Variants in LCE3A observed in about 807,000 individuals in gnomAD.
LCE3A encodes the protein late cornified envelope 3A.
For synonymous variants in LCE3A, 46 were observed against 42.7 expected (o/e 1.08, Z -0.30); for missense variants, 130 against 113.9 (o/e 1.14, Z -0.64).
At position 152,622,900 on chromosome 1, in the gene LCE3A, A is replaced by C; in HGVS notation, c.204T>G (p.Cys68Trp). 1 of 1,614,164 alleles carries C rather than the reference A, an allele frequency of 6.2e-7. No homozygotes were observed. The highest frequency in any genetic ancestry group is 8.5e-7 in the Non-Finnish European group (1 of 1,180,026). The change falls in exon 1 of 1, where the codon TGT becomes TGG. Residue 68 changes from cysteine (C) to tryptophan (W), a missense_variant. Cys to Trp is a radical substitution (Grantham distance 215). Coordinates refer to ENST00000335674, the MANE Select transcript of LCE3A (RefSeq NM_178431.1). ...CGCCTTGCTGACCACTTCCCCTGTC[A>C]CAGGAGTTGGAGCTCTGGCAACGGC... ...HRCRCQSSNSCDRGSGQQGGS... is the reference protein window; with the variant it reads ...HRCRCQSSNSWDRGSGQQGGS...
In LCE3A at chr1:152,622,891, T is replaced by G; in HGVS notation, c.213A>C (p.Gly71=). 1 of 1,614,160 alleles carries G rather than the reference T, an allele frequency of 6.2e-7. No homozygotes were observed. The highest frequency in any genetic ancestry group is 8.5e-7 in the Non-Finnish European group (1 of 1,180,028). ...TGGAGCTCCCGCCTTGCTGACCACT[T>G]CCCCTGTCACAGGAGTTGGAGCTCT... The part of the protein sequence containing the change: ...RCQSSNSCDR[G]SGQQGGSSSC... Residue 71 remains glycine (G), a synonymous_variant, in exon 1 of 1, where the codon GGA becomes GGC. Transcript: ENST00000335674.
rs1647277831 is a variant in LCE3A at position 152,622,983 on chromosome 1, G to A, written c.121C>T (p.Pro41Ser). 6.2e-7 allele frequency: 1 copy of A among 1,614,130 alleles called. No individual in the cohort carries two copies. The highest frequency in any genetic ancestry group is 1.7e-5 in the Admixed American group (1 of 60,022). The change falls in exon 1 of 1, where the codon CCC becomes TCC. Residue 41 changes from proline to serine, a missense_variant. Physicochemically the swap from Pro to Ser is moderately conservative, Grantham distance 74. Transcript: ENST00000335674. ...SCAPSSGGCG[P>S]SSERSCCLSH... ...AGGCAGCAGCTGCGCTCGGAGCTGG[G>A]CCCACAGCCCCCAGAGCTTGGGGCA... is the stretch of plus-strand genomic sequence containing the variant.
At position 152,622,852 on chromosome 1, in the gene LCE3A, A is replaced by G; in HGVS notation, c.252T>C (p.Ser84=). Residue 84 remains serine (S), a synonymous_variant, in exon 1 of 1, where the codon AGT becomes AGC. Transcript: ENST00000335674. Reference sequence around the variant, plus strand: ...GCTCAGGTCAGCAGCAGCCCGCAGAACTGTGGCCACAGCTGGAGCTCCCGC... The same window carrying G: ...GCTCAGGTCAGCAGCAGCCCGCAGAGCTGTGGCCACAGCTGGAGCTCCCGC... ...QQGGSSSCGH[S]SAGCC is the part of the protein sequence containing the mutation. 1.2e-6 allele frequency: 2 copies of G among 1,614,090 alleles called. No homozygotes were observed. The highest frequency in any genetic ancestry group is 2.2e-5 in the East Asian group (1 of 44,872).
In LCE3A at chr1:152,622,883, T is replaced by A; in HGVS notation, c.221A>T (p.Gln74Leu). 1 of 1,614,216 alleles carries A rather than the reference T, an allele frequency of 6.2e-7. No individual in the cohort carries two copies. The change falls in exon 1 of 1, where the codon CAG (glutamine) becomes CTG (leucine). Residue 74 changes from glutamine (Q) to leucine (L), a missense_variant. Transcript: ENST00000335674. The stretch of plus-strand genomic sequence containing the variant: ...GCCACAGCTGGAGCTCCCGCCTTGC[T>A]GACCACTTCCCCTGTCACAGGAGTT... ...SSNSCDRGSG[Q>L]QGGSSSCGHS...
At chr1:152,622,960 G>T in the LCE3A span, 1 of 1,614,148 alleles carries the variant, frequency 6.2e-7, no homozygotes, top group Non-Finnish European at 8.5e-7. Context: ...GGTGACTCAG[G>T]CAGCAGCTGC....
In LCE3A at chr1:152,622,929, G is replaced by A. The variant is rs16834245; in HGVS notation, c.175C>T (p.Arg59Cys). The change falls in exon 1 of 1, where the codon CGT becomes TGT. Residue 59 changes from arginine to cysteine, a missense_variant. Coordinates refer to ENST00000335674, the MANE Select transcript of LCE3A (RefSeq NM_178431.1). Reference protein sequence around the residue: ...LSHHRCRRSHRCRCQSSNSCD... With the variant: ...LSHHRCRRSHCCRCQSSNSCD... ...GAGTTGGAGCTCTGGCAACGGCAAC[G>A]GTGAGACCTGCGGCATCTGTGGTGA... 5,178 of 1,614,176 alleles carry A rather than the reference G, an allele frequency of 3.2e-3. 111 individuals carry two copies. In the African/African-American group the frequency reaches 0.054, roughly 17 times the overall value.
rs770049619 is a variant in LCE3A at position 152,622,952 on chromosome 1, T to A, written c.152A>T (p.His51Leu). ...PSSERSCCLS[H>L]HRCRRSHRCR... ...ACGGTGAGACCTGCGGCATCTGTGG[T>A]GACTCAGGCAGCAGCTGCGCTCGGA... The change falls in exon 1 of 1, where the codon CAC becomes CTC. Residue 51 changes from histidine to leucine, a missense_variant. Physicochemically the swap from His to Leu is moderately conservative, Grantham distance 99. Transcript: ENST00000335674. 2.5e-6 allele frequency: 4 copies of A among 1,614,120 alleles called. No individual in the cohort carries two copies. The highest frequency in any genetic ancestry group is 2.5e-6 in the Non-Finnish European group (3 of 1,180,016).
Position 152,622,847 on chromosome 1 carries a change from G to T in LCE3A, c.257C>A (p.Ala86Glu). 6.2e-7 allele frequency: 1 copy of T among 1,614,024 alleles called. No individual in the cohort carries two copies. Among genetic ancestry groups the T allele is most frequent in the Non-Finnish European group, 8.5e-7 (1 of 1,180,010 alleles). The stretch of plus-strand genomic sequence containing the variant: ...TCGTGGCTCAGGTCAGCAGCAGCCC[G>T]CAGAACTGTGGCCACAGCTGGAGCT... ...GGSSSCGHSS[A>E]GCC The change falls in exon 1 of 1, where the codon GCG becomes GAG. Residue 86 changes from alanine (A) to glutamate (E), a missense_variant. Ala to Glu is a moderately radical substitution (Grantham distance 107, BLOSUM62 -1). Coordinates refer to ENST00000335674, the MANE Select transcript of LCE3A (RefSeq NM_178431.1).
Position 152,622,899 on chromosome 1 carries a change from C to T in LCE3A, c.205G>A (p.Asp69Asn), listed in dbSNP as rs1647264093. 6.2e-7 allele frequency: 1 copy of T among 1,614,086 alleles called. No individual in the cohort carries two copies. The highest frequency in any genetic ancestry group is 1.3e-5 in the African/African-American group (1 of 74,936). Residue 69 changes from aspartate (D) to asparagine (N), a missense_variant, in exon 1 of 1, where the codon GAC becomes AAC. Transcript: ENST00000335674. ...CCGCCTTGCTGACCACTTCCCCTGT[C>T]ACAGGAGTTGGAGCTCTGGCAACGG... ...RCRCQSSNSC[D>N]RGSGQQGGSS...
Position 152,622,844 on chromosome 1 carries a change from C to T in LCE3A, c.260G>A (p.Gly87Asp). 1.2e-6 allele frequency: 2 copies of T among 1,614,012 alleles called. No homozygotes were observed. Among genetic ancestry groups the T allele is most frequent in the Non-Finnish European group, 1.7e-6 (2 of 1,180,004 alleles). The change falls in exon 1 of 1, where the codon GGC becomes GAC. Residue 87 changes from glycine (G) to aspartate (D), a missense_variant. Gly to Asp is a moderately conservative substitution (Grantham distance 94). Transcript: ENST00000335674. ...ATCTCGTGGCTCAGGTCAGCAGCAG[C>T]CCGCAGAACTGTGGCCACAGCTGGA... ...GSSSCGHSSA[G>D]CC
Position 152,622,939 on chromosome 1 carries a change from G to C in LCE3A, c.165C>G (p.Arg55=), listed in dbSNP as rs371949399. 5 of 1,614,194 alleles carry C rather than the reference G, an allele frequency of 3.1e-6. No individual in the cohort carries two copies. The highest frequency in any genetic ancestry group is 4.2e-6 in the Non-Finnish European group (5 of 1,180,038). ...TCTGGCAACGGCAACGGTGAGACCT[G>C]CGGCATCTGTGGTGACTCAGGCAGC... ...RSCCLSHHRC[R]RSHRCRCQSS... The change falls in exon 1 of 1, where the codon CGC becomes CGG. Residue 55 remains arginine (R), a synonymous_variant. Coordinates refer to ENST00000335674, the MANE Select transcript of LCE3A (RefSeq NM_178431.1).
In LCE3A at chr1:152,622,972, C is replaced by T. The variant is rs774373797; in HGVS notation, c.132G>A (p.Glu44=). Residue 44 remains glutamate, a synonymous_variant, in exon 1 of 1, where the codon GAG becomes GAA. Transcript: ENST00000335674. ...TGTGGTGACTCAGGCAGCAGCTGCG[C>T]TCGGAGCTGGGCCCACAGCCCCCAG... ...PSSGGCGPSS[E]RSCCLSHHRC... 1.2e-4 allele frequency: 193 copies of T among 1,614,138 alleles called. No homozygotes were observed. Among genetic ancestry groups the T allele is most frequent in the Middle Eastern group, 1.2e-3 (7 of 6,062 alleles).
chr1:152,622,876 GC>G, the LCE3A span: 1 of 1,614,138 alleles, frequency 6.2e-7, no homozygotes, highest in Non-Finnish European at 8.5e-7. Flanking sequence ...TGGAGCTCCC[GC>G]CTTGCTGACC....
Position 152,623,099 on chromosome 1 carries a change from G to A in LCE3A, c.5C>T (p.Ser2Phe), listed in dbSNP as rs1352451082. The change falls in exon 1 of 1, where the codon TCC (serine) becomes TTC (phenylalanine). Residue 2 changes from serine (S) to phenylalanine (F), a missense_variant. By Grantham distance (155) the Ser-to-Phe change is radical. Transcript: ENST00000335674. ...GCACTGCTGCTGGTTCTGCTGGCAGGACATCTAGGCAGGAGGTCAGGGAGC... is the reference window on the plus strand; with the variant it reads ...GCACTGCTGCTGGTTCTGCTGGCAGAACATCTAGGCAGGAGGTCAGGGAGC... M[S>F]CQQNQQQCQP... 1.2e-6 allele frequency: 2 copies of A among 1,614,108 alleles called. No individual in the cohort carries two copies. The highest frequency in any genetic ancestry group is 2.2e-5 in the East Asian group (1 of 44,886).
Position 152,623,059 on chromosome 1 carries a change from C to G in LCE3A, c.45G>C (p.Lys15Asn). The G allele has an allele frequency of 6.2e-7, 1 of 1,614,238 alleles. No homozygotes were observed. The highest frequency in any genetic ancestry group is 1.1e-5 in the South Asian group (1 of 91,088). ...ACTGTGCTGGGCTCTTTGCAGGGCACTTGGGCGGAGGCTGGCACTGCTGCT... is the reference window on the plus strand; with the variant it reads ...ACTGTGCTGGGCTCTTTGCAGGGCAGTTGGGCGGAGGCTGGCACTGCTGCT... ...QNQQQCQPPP[K>N]CPAKSPAQCL... Residue 15 changes from lysine (K) to asparagine (N), a missense_variant, in exon 1 of 1, where the codon AAG becomes AAC. Lys to Asn is a moderately conservative substitution (Grantham distance 94). Transcript: ENST00000335674.
In LCE3A at chr1:152,622,999, G is replaced by A. The variant is rs766154971; in HGVS notation, c.105C>T (p.Ser35=). The change falls in exon 1 of 1, where the codon AGC becomes AGT. Residue 35 remains serine, a synonymous_variant. Transcript: ENST00000335674. ...CGGAGCTGGGCCCACAGCCCCCAGA[G>A]CTTGGGGCACAGCTGGAGGAAGCTG... ...LPPASSSCAP[S]SGGCGPSSER... The A allele has an allele frequency of 1.2e-5, 19 of 1,614,060 alleles. No individual in the cohort carries two copies. The highest frequency in any genetic ancestry group is 1.5e-5 in the Non-Finnish European group (18 of 1,180,048).
In LCE3A at chr1:152,623,089, C is replaced by G. The variant is rs190000383; in HGVS notation, c.15G>C (p.Gln5His). The G allele has an allele frequency of 2.6e-4, 414 of 1,614,234 alleles. 10 individuals carry two copies. In the East Asian group the frequency reaches 6.1e-3, roughly 24 times the overall value. MSCQ[Q>H]NQQQCQPPPK... is the part of the protein sequence containing the mutation. ...GCGGAGGCTGGCACTGCTGCTGGTT[C>G]TGCTGGCAGGACATCTAGGCAGGAG... Residue 5 changes from glutamine to histidine, a missense_variant, in exon 1 of 1, where the codon CAG becomes CAC. Transcript: ENST00000335674.
rs775692917 is a variant in LCE3A, at chr1:152,623,087, T to C, written c.17A>G (p.Asn6Ser). 5.0e-6 allele frequency: 8 copies of C among 1,614,096 alleles called. No individual in the cohort carries two copies. In the East Asian group the frequency reaches 1.8e-4, roughly 36 times the overall value. The change falls in exon 1 of 1, where the codon AAC becomes AGC. Residue 6 changes from asparagine (N) to serine (S), a missense_variant. Coordinates refer to ENST00000335674, the MANE Select transcript of LCE3A (RefSeq NM_178431.1). MSCQQ[N>S]QQQCQPPPKC... is the part of the protein sequence containing the mutation. ...GGGCGGAGGCTGGCACTGCTGCTGG[T>C]TCTGCTGGCAGGACATCTAGGCAGG... is the stretch of plus-strand genomic sequence containing the variant.
the LCE3A span, chr1:152,622,974 C>A: frequency 3.7e-6 from 6 of 1,614,084 alleles, no homozygotes; most frequent in Non-Finnish European, 5.1e-6. Context: ...CAGCTGCGCT[C>A]GGAGCTGGGC....
Sources: gnomAD v4.1 joint callset for allele counts on GRCh38, gnomAD v4.1.1 for gene constraint, MANE v1.5 for transcripts, NCBI Gene and HGNC (gene_info 2026-07-23, HGNC 2026-07-21) for gene names.